HNRNPC: variants seen among roughly 807,000 people sequenced by gnomAD.
HNRNPC encodes the protein heterogeneous nuclear ribonucleoproteins C1/C2.
In HNRNPC, 3 loss-of-function variants were observed where a neutral mutation model predicts 33.2. That is an observed-to-expected ratio of 0.09 (90% CI 0.04 to 0.23). The LOEUF (loss-of-function observed/expected upper bound fraction) is 0.23, where lower values mean the gene tolerates loss of function less well. HNRNPC is among the 10% of genes least tolerant of loss of function. The probability of loss-of-function intolerance (pLI) is 1.00; values close to 1 mark genes in which losing one functional copy is unlikely to be tolerated. For synonymous variants in HNRNPC, 121 were observed against 126.7 expected, an observed-to-expected ratio of 0.96 and a Z score of 0.30; for missense variants, 143 against 366.7, an observed-to-expected ratio of 0.39 and a Z score of 4.98.
chr14:21,249,420 C>CA (rs11360295), intron 2 of HNRNPC, among the ~76,000 whole-genome samples: 1,473 of 110,132 alleles, frequency 0.013, 17 homozygotes, highest in South Asian at 0.063. Context: ...ACTAAAAATA[C>CA]AAAAAAAAAA....
intron 2 of HNRNPC, among the ~76,000 whole-genome samples, chr14:21,243,856 C>T (rs1895642036): frequency 2.6e-5 from 4 of 152,066 alleles, no homozygotes; most frequent in Admixed American, 2.6e-4. Flanking sequence ...AAACATCTAC[C>T]ACGTAGAGGT....
chr14:21,232,806 C>T (rs987004696), intron 3 of HNRNPC, among the ~76,000 whole-genome samples: 7 of 152,148 alleles, frequency 4.6e-5, no homozygotes, highest in Admixed American at 3.3e-4. Flanking sequence ...GAGGCCAAAG[C>T]GGGAGGATCA....
At chr14:21,247,727 A>T (rs1341275384) in intron 2 of HNRNPC, among the ~76,000 whole-genome samples, 1 of 151,948 alleles carries the variant, frequency 6.6e-6, no homozygotes, top group African/African-American at 2.4e-5. Context: ...AGGCCAGTGG[A>T]ACACTTGAGG....
chr14:21,264,685 G>A (rs1472378437), intron 1 of HNRNPC: 1 of 152,168 alleles, frequency 6.6e-6, no homozygotes, highest in African/African-American at 2.4e-5. Context: ...TGCACTCACT[G>A]TTCAATTTAG....
intron 6 of HNRNPC, 149 bp from the exon 7 acceptor site, chr14:21,212,072 T>C (rs1891666669): frequency 1.6e-6 from 1 of 637,394 alleles, no homozygotes; most frequent in Non-Finnish European, 2.8e-6. Context: ...TAAAGGCCCT[T>C]GGTTCTATTA....
At chr14:21,242,898 G>C (rs1157150944) in intron 2 of HNRNPC, among the ~76,000 whole-genome samples, 1 of 152,070 alleles carries the variant, frequency 6.6e-6, no homozygotes, top group Admixed American at 6.6e-5. Context: ...TAAAAACTAG[G>C]GGCCTTTTTC....
chr14:21,216,573 G>GA (rs932892780), intron 5 of HNRNPC, among the ~76,000 whole-genome samples: 6 of 152,092 alleles, frequency 3.9e-5, no homozygotes, highest in Admixed American at 2.0e-4. Context: ...TCCAGGTGTG[G>GA]TGGCACATTC....
rs534699498 is a variant in HNRNPC, at chr14:21,236,985, A to T, written c.-36-2756T>A. The stretch of plus-strand genomic sequence containing the variant: ...CAACTTGGAGAATAATAGACTTAGA[A>T]ATACAAGAATACCAAAATAACCAGC... On this transcript the variant is annotated intron_variant, in intron 2 of 8. Coordinates refer to ENST00000553300, the MANE Select transcript of HNRNPC (RefSeq NM_004500.4). 5.9e-5 allele frequency among the ~76,000 whole-genome samples: 9 copies of T among 152,350 alleles called. No homozygotes were observed. In the East Asian group the frequency reaches 1.5e-3, roughly 26 times the overall value.
intron 1 of HNRNPC, among the ~76,000 whole-genome samples, chr14:21,266,101 G>C (rs1167716421): frequency 6.6e-6 from 1 of 152,156 alleles, no homozygotes; most frequent in Non-Finnish European, 1.5e-5. Context: ...CCCCAGTTTA[G>C]AATCAATTAT....
intron 5 of HNRNPC, among the ~76,000 whole-genome samples, chr14:21,213,697 T>A (rs1024461320): frequency 1.3e-5 from 2 of 152,170 alleles, no homozygotes; most frequent in Non-Finnish European, 2.9e-5. Flanking sequence ...GAGGGAATCA[T>A]AGCAAAATGT....
chr14:21,231,883 T>C (rs1043229936), intron 3 of HNRNPC, among the ~76,000 whole-genome samples: 1 of 152,182 alleles, frequency 6.6e-6, no homozygotes, highest in Non-Finnish European at 1.5e-5. Context: ...TAGAATGAAA[T>C]ATATTAAAAT....
At chr14:21,267,166 T>C (rs1594350790) in intron 1 of HNRNPC, among the ~76,000 whole-genome samples, 1 of 151,486 alleles carries the variant, frequency 6.6e-6, no homozygotes, top group South Asian at 2.1e-4. Flanking sequence ...GTACAGTTTT[T>C]AGGCTTCTGG....
intron 1 of HNRNPC, among the ~76,000 whole-genome samples, chr14:21,265,691 C>T (rs1878856837): frequency 6.6e-6 from 1 of 152,234 alleles, no homozygotes; most frequent in East Asian, 1.9e-4. Context: ...GCTGAGGGCA[C>T]CCCTTGAGCC....
At chr14:21,234,336 T>C (rs1343236924) in intron 2 of HNRNPC, 107 bp from the exon 3 acceptor site, 2 of 980,638 alleles carry the variant, frequency 2.0e-6, no homozygotes, top group South Asian at 1.7e-5. Context: ...CCCAGAGTAT[T>C]AGGCAACTTA....
chr14:21,253,399 A>C (rs1416354711), intron 2 of HNRNPC, among the ~76,000 whole-genome samples: 1 of 141,630 alleles, frequency 7.1e-6, no homozygotes, highest in Non-Finnish European at 1.5e-5. Flanking sequence ...GCGTGAACCC[A>C]GGAGGCGGAG....
chr14:21,226,526 C>G (rs962444513), intron 5 of HNRNPC, among the ~76,000 whole-genome samples: 3 of 151,374 alleles, frequency 2.0e-5, no homozygotes, highest in African/African-American at 7.3e-5. Flanking sequence ...TTTATTACAA[C>G]ACCTTTCGCA....
intron 3 of HNRNPC, among the ~76,000 whole-genome samples, chr14:21,233,427 A>G (rs1894333116): frequency 6.6e-6 from 1 of 152,256 alleles, no homozygotes; most frequent in Non-Finnish European, 1.5e-5. Flanking sequence ...AGGTACACAT[A>G]AAATGAGAAG....
intron 1 of HNRNPC, chr14:21,265,034 A>G (rs191253891): frequency 2.6e-5 from 4 of 152,276 alleles, no homozygotes; most frequent in Admixed American, 2.0e-4. Flanking sequence ...TTTTTAATTG[A>G]GCTTTTAGAA....
At chr14:21,222,448 T>C (rs1250140524) in intron 5 of HNRNPC, among the ~76,000 whole-genome samples, 1 of 152,220 alleles carries the variant, frequency 6.6e-6, no homozygotes, top group Non-Finnish European at 1.5e-5. Context: ...GTACAATGTG[T>C]GTCTTGTGAC....
Sources: gnomAD v4.1 joint callset for allele counts (sites outside exome capture counted in the v4.1 genomes callset) on GRCh38, gnomAD v4.1.1 for gene constraint, MANE v1.5 for transcripts, NCBI Gene and HGNC (gene_info 2026-07-23, HGNC 2026-07-21) for gene names.